Variants in IRAG2 observed in about 807,000 individuals in gnomAD.
IRAG2 encodes the protein lymphoid restricted membrane protein.
Under a neutral mutation model 69.9 loss-of-function variants are expected in IRAG2, and 45 were observed. The observed-to-expected ratio is 0.64, with a 90% CI of 0.51 to 0.83. IRAG2 has a LOEUF of 0.83. Ranked by LOEUF, IRAG2 falls within the 40% of genes least tolerant of loss-of-function variation. The pLI is 0.00. For synonymous variants in IRAG2, 193 were observed against 202.4 expected (o/e 0.95, Z 0.40); for missense variants, 520 against 587.0 (o/e 0.89, Z 1.18).
chr12:25,063,072 C>T (rs941124088), intron 3 of IRAG2, among the ~76,000 whole-genome samples, 172 bp downstream of exon 3: 18 of 152,164 alleles, frequency 1.2e-4, no homozygotes, highest in Non-Finnish European at 2.5e-4. Flanking sequence ...TGTACACATA[C>T]ACACACACAA....
At chr12:25,042,754 C>T (rs1266391646) in intron 16 of IRAG2, among the ~76,000 whole-genome samples, 2 of 151,648 alleles carry the variant, frequency 1.3e-5, no homozygotes, top group South Asian at 2.1e-4. Context: ...CATGAACCAC[C>T]GCGCCTGGCC....
At chr12:25,036,699 T>C (rs1159733581) in intron 15 of IRAG2, 1 of 398,746 alleles carries the variant, frequency 2.5e-6, no homozygotes, top group Non-Finnish European at 4.4e-6. Context: ...AAGTGTTTTA[T>C]ATTTTATGAT....
chr12:25,004,254 T>C, upstream of IRAG2: 1 of 960,116 alleles, frequency 1.0e-6, no homozygotes, highest in African/African-American at 1.7e-5. Flanking sequence ...TGCTAAATTA[T>C]TGTTAGGAAA....
chr12:25,060,281 CTA>C (rs1945533950), intron 1 of IRAG2, among the ~76,000 whole-genome samples: 1 of 151,976 alleles, frequency 6.6e-6, no homozygotes, highest in South Asian at 2.1e-4. Context: ...CTGGTTTTGG[CTA>C]TGTTTCAGAG....
intron 14 of IRAG2, chr12:25,035,882 T>C: frequency 2.5e-6 from 1 of 397,732 alleles, no homozygotes; most frequent in Non-Finnish European, 4.4e-6. Context: ...TCCAAATGTA[T>C]CTGTGTGCTG....
chr12:25,000,645 A>C (rs546674455), upstream of IRAG2, among the ~76,000 whole-genome samples: 175 of 152,354 alleles, frequency 1.1e-3, no homozygotes, highest in Non-Finnish European at 1.7e-3. Context: ...AAATAATTTT[A>C]AAAACCATGG....
chr12:25,000,609 C>G (rs1944384912), upstream of IRAG2, among the ~76,000 whole-genome samples: 1 of 152,232 alleles, frequency 6.6e-6, no homozygotes, highest in Non-Finnish European at 1.5e-5. Context: ...GCCTGGGTAA[C>G]AGAGACCCAG....
chr12:25,010,668 G>A (rs1428176545), intron 2 of IRAG2, among the ~76,000 whole-genome samples: 2 of 151,416 alleles, frequency 1.3e-5, no homozygotes, highest in African/African-American at 2.4e-5. Flanking sequence ...TGATGTCATG[G>A]TCTATCCTTA....
intron 6 of IRAG2, among the ~76,000 whole-genome samples, chr12:25,077,299 A>T (rs56976393): frequency 0.061 from 2,395 of 38,972 alleles, 528 homozygotes; most frequent in East Asian, 0.38. Flanking sequence ...ATATATATGA[A>T]ATATATATGA....
intron 2 of IRAG2, among the ~76,000 whole-genome samples, chr12:25,010,459 C>G (rs1944465195): frequency 7.4e-6 from 1 of 134,692 alleles, no homozygotes; most frequent in Non-Finnish European, 1.6e-5. Flanking sequence ...TAGCAAGACC[C>G]TGTGTCAAAA....
At chr12:25,037,990 T>C in exon 16 of IRAG2, 1 of 398,854 alleles carries the variant, frequency 2.5e-6, no homozygotes, top group Non-Finnish European at 4.4e-6. Context: ...AACAATATCA[T>C]GGAAGAGAAG....
rs767089316 is a variant in IRAG2 at position 25,089,837 on chromosome 12, C to CCGGGCGCGG, written c.465+47_465+48insCGGGCGCGG. 5.7e-6 allele frequency: 9 copies of CCGGGCGCGG among 1,586,620 alleles called. No individual in the cohort carries two copies. In the South Asian group the frequency reaches 7.8e-5, roughly 14 times the overall value. Reference sequence around the variant, plus strand: ...TTTCCTTTTAAAAAAGTGTTCCAGACTCACCTGCTACAGTCACTTCATGTT... The same window carrying CCGGGCGCGG: ...TTTCCTTTTAAAAAAGTGTTCCAGACCGGGCGCGGTCACCTGCTACAGTCACTTCATGTT... On this transcript the variant is annotated intron_variant, in intron 13 of 21. Transcript: ENST00000556887.
intron 15 of IRAG2, among the ~76,000 whole-genome samples, chr12:25,098,493 G>A (rs1374161177): frequency 1.3e-5 from 2 of 152,126 alleles, no homozygotes; most frequent in Non-Finnish European, 2.9e-5. Flanking sequence ...CTAAAGATGC[G>A]TTGTCTCTAA....
At chr12:25,030,430 A>G (rs1232780934) in intron 10 of IRAG2, 2 of 855,678 alleles carry the variant, frequency 2.3e-6, no homozygotes, top group Non-Finnish European at 3.1e-6. Context: ...TCTGTTGCCC[A>G]GGCTGGAGTG....
intron 1 of IRAG2, among the ~76,000 whole-genome samples, chr12:25,057,983 G>C (rs1220710929): frequency 2.0e-5 from 3 of 152,138 alleles, no homozygotes; most frequent in African/African-American, 7.2e-5. Context: ...AAATTTGATT[G>C]TTTTTCCTGC....
At chr12:25,067,611 A>G (rs552515976) in intron 5 of IRAG2, among the ~76,000 whole-genome samples, 1 of 152,264 alleles carries the variant, frequency 6.6e-6, no homozygotes, top group South Asian at 2.1e-4. Context: ...ACTCGGGGAA[A>G]CACTTTCCTT....
chr12:25,093,858 G>T (rs1023418031), intron 14 of IRAG2: 1 of 153,226 alleles, frequency 6.5e-6, no homozygotes, highest in Non-Finnish European at 1.5e-5. Flanking sequence ...GAATATCATG[G>T]ACCTGCATGC....
chr12:25,063,158 G>A (rs1177026388), intron 3 of IRAG2, among the ~76,000 whole-genome samples: 2 of 152,148 alleles, frequency 1.3e-5, no homozygotes, highest in African/African-American at 2.4e-5. Flanking sequence ...CGCCTCCTGG[G>A]TTCAAGAGAT....
chr12:25,036,588 G>A (rs1309185188), exon 15 of IRAG2: 1 of 398,706 alleles, frequency 2.5e-6, no homozygotes, highest in Non-Finnish European at 4.4e-6. Flanking sequence ...TTTTCAGCAC[G>A]AAGAAATTTC....
Sources: gnomAD v4.1 joint callset for allele counts (sites outside exome capture counted in the v4.1 genomes callset) on GRCh38, gnomAD v4.1.1 for gene constraint, MANE v1.5 for transcripts, NCBI Gene and HGNC (gene_info 2026-07-23, HGNC 2026-07-21) for gene names.